The following PRDM11 variants were observed in gnomAD, a reference collection of about 807,000 sequenced individuals.
The protein encoded by PRDM11 is PR/SET domain 11.
A neutral mutation model predicts 97.8 loss-of-function variants in PRDM11; 20 were observed. The ratio of observed to expected loss-of-function variants is 0.20; its 90% CI spans 0.14 to 0.30. The LOEUF (loss-of-function observed/expected upper bound fraction) is 0.30, where lower values mean the gene tolerates loss of function less well. PRDM11 is among the 10% of genes least tolerant of loss of function. The pLI, the probability that PRDM11 is intolerant of heterozygous loss-of-function variation, is 1.00. For synonymous variants in PRDM11, 599 were observed against 637.7 expected (o/e 0.94, Z 0.91); for missense variants, 1,139 against 1,555.2 (o/e 0.73, Z 4.50).
intron 1 of PRDM11, among the ~76,000 whole-genome samples, chr11:45,153,247 G>A (rs76669823): frequency 6.6e-6 from 1 of 152,360 alleles, no homozygotes; most frequent in East Asian, 1.9e-4. Context: ...TCCCTTGGCA[G>A]GGAAAGGGAA....
rs1026865308 is a variant in PRDM11 at position 45,233,821 on chromosome 11, T to C, written c.*5662T>C. 3.9e-5 allele frequency: 6 copies of C among 152,274 alleles called. No individual in the cohort carries two copies. Among genetic ancestry groups the C allele is most frequent in the African/African-American group, 1.4e-4 (6 of 41,442 alleles). 9.4% of individuals were successfully genotyped at this position (152,274 alleles called of 1,614,324 possible). A position where few individuals can be genotyped will look rare whatever the true frequency, so the allele number is the denominator to read the frequency against. The stretch of plus-strand genomic sequence containing the variant: ...AGAGACATATCTGCACACTCATAAA[T>C]TCAATGGCTACTCCAGTCCAGAAGC... On this transcript the variant is annotated 3_prime_UTR_variant, in exon 8 of 8. Coordinates refer to ENST00000683152, the MANE Select transcript of PRDM11 (RefSeq NM_001384648.1).
At chr11:45,146,518 C>G (rs1022634015), upstream of PRDM11, among the ~76,000 whole-genome samples, 1 of 151,976 alleles carries the variant, frequency 6.6e-6, no homozygotes, top group Non-Finnish European at 1.5e-5. Context: ...GGGCGCGGGC[C>G]TAAGGGGCCC....
rs187144922 is a variant in PRDM11, at chr11:45,148,545, T to C, written c.-7+1668T>C. Among the ~76,000 whole-genome samples, 41 of 152,296 alleles carry C rather than the reference T, an allele frequency of 2.7e-4. No individual in the cohort carries two copies. The East Asian group carries it at 7.4e-3, about 27-fold the overall frequency. On this transcript the variant is annotated intron_variant, in intron 1 of 7. Transcript: ENST00000683152. ...CCAAGGAACAGCTGGTGGCAGGGTC[T>C]CGTTTCCTTCCCTGGTGACGTTCAC...
At chr11:45,209,918 C>T (rs1018278598) in intron 5 of PRDM11, among the ~76,000 whole-genome samples, 2 of 152,180 alleles carry the variant, frequency 1.3e-5, no homozygotes, top group Non-Finnish European at 1.5e-5. Flanking sequence ...TAAGAGTTAA[C>T]CAGGCCAGGC....
chr11:45,227,839 A>G lies in PRDM11; in HGVS notation c.3214A>G (p.Asn1072Asp). Residue 1072 changes from asparagine to aspartate, a missense_variant, in exon 8 of 8, where the codon AAC becomes GAC. Physicochemically the swap from Asn to Asp is conservative, Grantham distance 23. Coordinates refer to ENST00000683152, the MANE Select transcript of PRDM11 (RefSeq NM_001384648.1). This position sits in a 1 kb window ranked among gnomAD's most constrained non-coding sequence, Gnocchi z 8.0. ...GTACAAACAGAGGTTTCCACTCTTG[A>G]ACAAGATCATCCAGGTTCTTAAAGT... ...CKYKQRFPLL[N>D]KIIQVLKVLP... 2 of 1,533,934 alleles carry G rather than the reference A, an allele frequency of 1.3e-6. No homozygotes were observed. Among genetic ancestry groups the G allele is most frequent in the Non-Finnish European group, 1.7e-6 (2 of 1,146,724 alleles).
intron 1 of PRDM11, chr11:45,147,335 G>T (rs1428962214): frequency 6.6e-6 from 1 of 151,716 alleles, no homozygotes; most frequent in Non-Finnish European, 1.5e-5. Context: ...CGCCGCGGCC[G>T]CCGGCCTAGT....
intron 1 of PRDM11, among the ~76,000 whole-genome samples, chr11:45,163,367 C>T (rs1390643492): frequency 6.6e-6 from 1 of 152,226 alleles, no homozygotes; most frequent in Non-Finnish European, 1.5e-5. Context: ...AGGTCTTGGA[C>T]AAGGTCCCAC....
Position 45,227,938 on chromosome 11 carries a change from C to T in PRDM11, c.3313C>T (p.Arg1105Cys), listed in dbSNP as rs938860049. 9 of 1,533,902 alleles carry T rather than the reference C, an allele frequency of 5.9e-6. No homozygotes were observed. Among genetic ancestry groups the T allele is most frequent in the South Asian group, 1.2e-5 (1 of 83,966 alleles). ...GCGAGTTCGCAAAAACCACCGCTCC[C>T]GCCTGACCCTGGAGCAGCTTAGCGA... is the stretch of plus-strand genomic sequence containing the variant. ...LQRVRKNHRS[R>C]LTLEQLSDLL... Residue 1105 changes from arginine (R) to cysteine (C), a missense_variant, in exon 8 of 8, where the codon CGC (arginine) becomes TGC (cysteine). Transcript: ENST00000683152. The surrounding 1 kb of genome is among the most constrained non-coding windows in gnomAD (Gnocchi z 8.0).
At chr11:45,153,706 C>T (rs1289702703) in intron 1 of PRDM11, among the ~76,000 whole-genome samples, 1 of 152,246 alleles carries the variant, frequency 6.6e-6, no homozygotes, top group Non-Finnish European at 1.5e-5. Flanking sequence ...GCCTCAGTTT[C>T]CTTTCTGTAA....
chr11:45,183,797 AG>A (rs1852606251), intron 4 of PRDM11, among the ~76,000 whole-genome samples: 1 of 152,178 alleles, frequency 6.6e-6, no homozygotes, highest in African/African-American at 2.4e-5. Context: ...AGCATTCTAG[AG>A]GGTAAGAAGA....
At chr11:45,159,069 C>G (rs1454214628) in intron 1 of PRDM11, among the ~76,000 whole-genome samples, 2 of 152,202 alleles carry the variant, frequency 1.3e-5, no homozygotes, top group East Asian at 3.9e-4. Context: ...GCCCAGCTCC[C>G]AGGGGTCTGC....
At chr11:45,094,836 A>C (rs1851865575), upstream of PRDM11, among the ~76,000 whole-genome samples, 1 of 93,716 alleles carries the variant, frequency 1.1e-5, no homozygotes, top group African/African-American at 6.7e-5. Context: ...GAAGGGAGGA[A>C]GGAGGGAAGG....
intron 1 of PRDM11, among the ~76,000 whole-genome samples, chr11:45,110,524 C>T (rs1852153094): frequency 6.6e-6 from 1 of 152,226 alleles, no homozygotes; most frequent in African/African-American, 2.4e-5. Flanking sequence ...CCGGACCCAA[C>T]TATCTGTGAG....
chr11:45,157,318 A>G (rs944754054), intron 1 of PRDM11, among the ~76,000 whole-genome samples: 2 of 152,090 alleles, frequency 1.3e-5, no homozygotes, highest in African/African-American at 4.8e-5. Context: ...CATTCGTTCA[A>G]TTCTCAAAGG....
chr11:45,100,410 C>A (rs2135594253), intron 1 of PRDM11, among the ~76,000 whole-genome samples: 1 of 152,350 alleles, frequency 6.6e-6, no homozygotes, highest in East Asian at 1.9e-4. Flanking sequence ...CCTTTCACAG[C>A]CTACACAAAT....
chr11:45,157,376 G>A lies in PRDM11; in HGVS notation c.-7+10499G>A, dbSNP rs552746465. ...ATGCGCAGTTCACGGTAGGGTTCGC[G>A]TCCTATGATAATCTAGTGCTGCCTG... On this transcript the variant is annotated intron_variant, in intron 1 of 7. Transcript: ENST00000683152. Among the ~76,000 whole-genome samples the A allele has an allele frequency of 1.3e-3, 205 of 152,244 alleles. 1 individual carries two copies. The highest frequency in any genetic ancestry group is 4.7e-3 in the African/African-American group (196 of 41,528).
upstream of PRDM11, among the ~76,000 whole-genome samples, chr11:45,144,027 C>T (rs1327052754): frequency 1.3e-5 from 2 of 152,196 alleles, no homozygotes; most frequent in African/African-American, 4.8e-5. Context: ...TTTCTGCCCA[C>T]TTTCTGCCCA....
intron 6 of PRDM11, among the ~76,000 whole-genome samples, chr11:45,221,627 G>A (rs1854123587): frequency 6.6e-6 from 1 of 152,156 alleles, no homozygotes; most frequent in South Asian, 2.1e-4. Context: ...CTCAGAGAAG[G>A]GTGTGAGCTT....
At chr11:45,209,669 G>A (rs892310523) in intron 5 of PRDM11, among the ~76,000 whole-genome samples, 4 of 152,196 alleles carry the variant, frequency 2.6e-5, no homozygotes, top group African/African-American at 9.7e-5. Flanking sequence ...CGAGAGCAGG[G>A]CTGACTTCAT....
Sources: allele counts gnomAD v4.1 joint callset (sites outside exome capture counted in the v4.1 genomes callset), GRCh38; gene constraint gnomAD v4.1.1; non-coding constraint Gnocchi (gnomAD v3.1); transcripts MANE v1.5; gene names NCBI Gene and HGNC (gene_info 2026-07-23, HGNC 2026-07-21).